Variants in BORCS5 observed in about 807,000 individuals in gnomAD.
BORCS5 encodes the protein BLOC-1-related complex subunit 5.
Under a neutral mutation model 22.1 loss-of-function variants are expected in BORCS5, and 17 were observed. The observed-to-expected ratio is 0.77, with a 90% CI of 0.53 to 1.15. The LOEUF is 1.15. BORCS5 is among the 50% of genes most tolerant of loss of function. The pLI, the probability that BORCS5 is intolerant of heterozygous loss-of-function variation, is 0.00. For synonymous variants in BORCS5, 117 were observed against 99.8 expected (o/e 1.17, Z -1.03); for missense variants, 247 against 253.2 (o/e 0.98, Z 0.17).
intron 2 of BORCS5, among the ~76,000 whole-genome samples, chr12:12,372,033 C>T (rs1565835900): frequency 6.6e-6 from 1 of 151,974 alleles, no homozygotes; most frequent in South Asian, 2.1e-4. Context: ...ATGAGTACTT[C>T]AATTTTATTT....
At chr12:12,391,881 A>C (rs1351352476) in intron 2 of BORCS5, among the ~76,000 whole-genome samples, 1 of 142,052 alleles carries the variant, frequency 7.0e-6, no homozygotes, top group Non-Finnish European at 1.5e-5. Flanking sequence ...AAAAAAAAAA[A>C]AAAAACGCTA....
At chr12:12,370,096 T>TTA (rs1230695362) in intron 2 of BORCS5, among the ~76,000 whole-genome samples, 10 of 117,372 alleles carry the variant, frequency 8.5e-5, no homozygotes, top group Admixed American at 5.6e-4. Flanking sequence ...CATAGTGGTT[T>TTA]TATACACACA....
intron 2 of BORCS5, among the ~76,000 whole-genome samples, chr12:12,410,580 G>A (rs922664254): frequency 1.3e-5 from 2 of 151,844 alleles, no homozygotes; most frequent in African/African-American, 2.4e-5. Context: ...TGTTCCATTG[G>A]TCTATATCTC....
At position 12,435,803 on chromosome 12, in the gene BORCS5, A is replaced by T. The variant is rs1942542924; in HGVS notation, c.360+18A>T. 3 of 1,603,326 alleles carry T rather than the reference A, an allele frequency of 1.9e-6. No individual in the cohort carries two copies. In the East Asian group the frequency reaches 6.7e-5, roughly 36 times the overall value. The stretch of plus-strand genomic sequence containing the variant: ...TCAAAGAGGTAATGTGCTGCGGGAA[A>T]ATAACATTGCTGACTGGTTGTTGTG... On this transcript the variant is annotated intron_variant, in intron 3 of 3. Transcript: ENST00000314565.
In BORCS5 at chr12:12,395,189, A is replaced by G. The variant is rs551174388; in HGVS notation, c.202+33840A>G. 4.6e-5 allele frequency among the ~76,000 whole-genome samples: 7 copies of G among 151,874 alleles called. No homozygotes were observed. In the South Asian group the frequency reaches 1.5e-3, roughly 32 times the overall value. ...GGTCTGAATATCCTGCATTGAGGAGATGGGGTGGTGGCAGAGTGATCACTC... is the reference window on the plus strand; with the variant it reads ...GGTCTGAATATCCTGCATTGAGGAGGTGGGGTGGTGGCAGAGTGATCACTC... On this transcript the variant is annotated intron_variant, in intron 2 of 3. Coordinates refer to ENST00000314565, the MANE Select transcript of BORCS5 (RefSeq NM_058169.6).
chr12:12,413,618 G>A (rs1169954957), intron 2 of BORCS5, among the ~76,000 whole-genome samples: 1 of 136,934 alleles, frequency 7.3e-6, no homozygotes, highest in African/African-American at 2.9e-5. Context: ...ACGGGTCGTG[G>A]CCGGGCAGAG....
intron 2 of BORCS5, among the ~76,000 whole-genome samples, chr12:12,421,495 A>G (rs1208471233): frequency 1.3e-5 from 2 of 152,142 alleles, no homozygotes; most frequent in African/African-American, 2.4e-5. Flanking sequence ...CATCAGGGAT[A>G]TTGGTCTAAA....
At chr12:12,457,626 C>T (rs1039780344) in intron 3 of BORCS5, among the ~76,000 whole-genome samples, 9 of 152,278 alleles carry the variant, frequency 5.9e-5, no homozygotes, top group Middle Eastern at 3.4e-3. Flanking sequence ...GCCGAGATCG[C>T]GCCACTGCAC....
At chr12:12,395,667 C>T (rs894856669) in intron 2 of BORCS5, among the ~76,000 whole-genome samples, 14 of 151,850 alleles carry the variant, frequency 9.2e-5, no homozygotes, top group East Asian at 1.9e-4. Flanking sequence ...GCCATAAGAA[C>T]GTGATTGTAG....
At chr12:12,414,016 G>A (rs1941825972) in intron 2 of BORCS5, among the ~76,000 whole-genome samples, 2 of 71,140 alleles carry the variant, frequency 2.8e-5, no homozygotes, top group African/African-American at 7.9e-5. Context: ...GCCGGGCAGA[G>A]GCCCCCCTCA....
intron 2 of BORCS5, among the ~76,000 whole-genome samples, chr12:12,430,687 A>G (rs1942400241): frequency 6.6e-6 from 1 of 152,150 alleles, no homozygotes; most frequent in South Asian, 2.1e-4. Context: ...TTAAAAGTAT[A>G]CTATGAAATT....
chr12:12,394,238 A>G (rs1162940368), intron 2 of BORCS5, among the ~76,000 whole-genome samples: 2 of 151,958 alleles, frequency 1.3e-5, no homozygotes, highest in Admixed American at 1.3e-4. Context: ...AGGCAGGAGA[A>G]TCACTTGAAC....
chr12:12,448,092 G>A (rs748918691), intron 3 of BORCS5, among the ~76,000 whole-genome samples: 4 of 152,206 alleles, frequency 2.6e-5, no homozygotes, highest in Non-Finnish European at 5.9e-5. Context: ...ATGTGTTCCC[G>A]GTTACACAGT....
chr12:12,415,631 G>A (rs1211952526), intron 2 of BORCS5, among the ~76,000 whole-genome samples: 1 of 145,838 alleles, frequency 6.9e-6, no homozygotes, highest in Non-Finnish European at 1.5e-5. Context: ...CTGTTACGTG[G>A]ATTGATTTTC....
At chr12:12,402,136 C>T (rs947748894) in intron 2 of BORCS5, among the ~76,000 whole-genome samples, 8 of 150,816 alleles carry the variant, frequency 5.3e-5, no homozygotes, top group East Asian at 1.9e-4. Context: ...ATAGTTTAAT[C>T]ATTCTCCCAT....
rs1035518842 is a variant in BORCS5 at position 12,398,458 on chromosome 12, G to C, written c.202+37109G>C. The stretch of plus-strand genomic sequence containing the variant: ...GTTTGTTTTGTCAGGAAAAATCTGA[G>C]TCAGAACATGAGCTGATGAAGGGGA... On this transcript the variant is annotated intron_variant, in intron 2 of 3. Coordinates refer to ENST00000314565, the MANE Select transcript of BORCS5 (RefSeq NM_058169.6). Among the ~76,000 whole-genome samples the C allele has an allele frequency of 2.1e-4, 32 of 152,148 alleles. 1 individual carries two copies. The highest frequency in any genetic ancestry group is 2.1e-3 in the Admixed American group (32 of 15,278).
intron 2 of BORCS5, among the ~76,000 whole-genome samples, chr12:12,364,695 G>A (rs1447096693): frequency 6.6e-6 from 1 of 152,066 alleles, no homozygotes; most frequent in Non-Finnish European, 1.5e-5. Flanking sequence ...GGCTGGCCAT[G>A]GTGGCTCACG....
At chr12:12,420,778 A>C (rs138773490) in intron 2 of BORCS5, among the ~76,000 whole-genome samples, 1,885 of 152,238 alleles carry the variant, frequency 0.012, 29 homozygotes, top group South Asian at 0.027. Context: ...CATCCCTTGT[A>C]AGTTGGATCC....
chr12:12,449,172 T>G (rs200654375), intron 3 of BORCS5, among the ~76,000 whole-genome samples: 1 of 152,114 alleles, frequency 6.6e-6, no homozygotes, highest in Non-Finnish European at 1.5e-5. Flanking sequence ...GCTTCATCCT[T>G]CCCCACTGCC....
Sources: allele counts gnomAD v4.1 joint callset (sites outside exome capture counted in the v4.1 genomes callset), GRCh38; gene constraint gnomAD v4.1.1; transcripts MANE v1.5; gene names NCBI Gene and HGNC (gene_info 2026-07-23, HGNC 2026-07-21).